NOP58: variants seen among roughly 807,000 people sequenced by gnomAD.
NOP58 encodes the protein NOP58 ribonucleoprotein, also known as nucleolar protein 58.
In NOP58, 44 loss-of-function variants were observed where a neutral mutation model predicts 71.2. The ratio of observed to expected loss-of-function variants is 0.62; its 90% CI spans 0.49 to 0.79. NOP58 has a LOEUF of 0.79. NOP58 is among the 30% of genes least tolerant of loss of function. The pLI, the probability that NOP58 is intolerant of heterozygous loss-of-function variation, is 0.00. For missense variants in NOP58, 538 were observed against 620.2 expected (o/e 0.87, Z 1.41); for synonymous variants, 228 against 200.3 (o/e 1.14, Z -1.17).
rs761580472 is a variant in NOP58 at position 202,303,463 on chromosome 2, C to T, written c.*27C>T. On this transcript the variant is annotated 3_prime_UTR_variant, in exon 15 of 15. Transcript: ENST00000264279. Reference sequence around the variant, plus strand: ...AGAAAGGAATTACGATTATATCACCCGGACACACATCATGCTTAAGATTCA... The same window carrying T: ...AGAAAGGAATTACGATTATATCACCTGGACACACATCATGCTTAAGATTCA... The T allele has an allele frequency of 4.4e-6, 7 of 1,595,850 alleles. No homozygotes were observed. Among genetic ancestry groups the T allele is most frequent in the African/African-American group, 2.7e-5 (2 of 74,512 alleles).
rs928122369 is a variant in NOP58, at chr2:202,291,248, A to G, written c.758A>G (p.Asn253Ser). 7.5e-6 allele frequency: 12 copies of G among 1,609,240 alleles called. No homozygotes were observed. The highest frequency in any genetic ancestry group is 2.2e-5 in the East Asian group (1 of 44,734). Residue 253 changes from asparagine to serine, a missense_variant, in exon 8 of 15, where the codon AAT becomes AGT. By Grantham distance (46) the Asn-to-Ser change is conservative. Transcript: ENST00000264279. ...GAGGTTTCAGAAGAAGATATTTGCAATATTCTGCATCTTTGCACCCAGGTA... is the reference window on the plus strand; with the variant it reads ...GAGGTTTCAGAAGAAGATATTTGCAGTATTCTGCATCTTTGCACCCAGGTA... ...GTEVSEEDIC[N>S]ILHLCTQVIE...
intron 1 of NOP58, 86 bp downstream of exon 1, chr2:202,266,072 G>C (rs1559257369): frequency 6.8e-7 from 1 of 1,477,978 alleles, no homozygotes; most frequent in African/African-American, 1.4e-5. Flanking sequence ...GAACTACTCA[G>C]AGTAGCGTGG....
intron 13 of NOP58, among the ~76,000 whole-genome samples, chr2:202,301,641 T>C (rs12464254): frequency 0.099 from 14,999 of 152,170 alleles, 955 homozygotes; most frequent in South Asian, 0.24. Flanking sequence ...AAATCTAAAT[T>C]TGTTCCAGCC....
Position 202,291,218 on chromosome 2 carries a change from G to C in NOP58, c.728G>C (p.Gly243Ala), listed in dbSNP as rs1688883434. 9 of 1,611,472 alleles carry C rather than the reference G, an allele frequency of 5.6e-6. No homozygotes were observed. Among genetic ancestry groups the C allele is most frequent in the Non-Finnish European group, 7.6e-6 (9 of 1,179,384 alleles). ...EVKAAAEISM[G>A]TEVSEEDICN... Reference sequence around the variant, plus strand: ...AAAGCAGCTGCAGAGATATCAATGGGAACAGAGGTTTCAGAAGAAGATATT... The same window carrying C: ...AAAGCAGCTGCAGAGATATCAATGGCAACAGAGGTTTCAGAAGAAGATATT... The change falls in exon 8 of 15, where the codon GGA becomes GCA. Residue 243 changes from glycine to alanine, a missense_variant. Physicochemically the swap from Gly to Ala is moderately conservative, Grantham distance 60. Transcript: ENST00000264279.
At chr2:202,293,099 T>G (rs373338172) in intron 9 of NOP58, 196 bp downstream of exon 9, 91 of 754,688 alleles carry the variant, frequency 1.2e-4, no homozygotes, top group Non-Finnish European at 1.8e-4. Flanking sequence ...TTTTGGATAA[T>G]GAAGGCATCT....
chr2:202,292,431 G>C (rs1688918566), intron 8 of NOP58, among the ~76,000 whole-genome samples: 1 of 151,288 alleles, frequency 6.6e-6, no homozygotes, highest in Admixed American at 6.6e-5. Context: ...GAGGTCAAGA[G>C]ATAGAGACCA....
intron 4 of NOP58, 57 bp from the exon 5 acceptor site, chr2:202,284,285 TAAC>T (rs1688753996): frequency 5.1e-6 from 7 of 1,384,636 alleles, no homozygotes; most frequent in South Asian, 2.8e-5. Flanking sequence ...AAAATAATAA[TAAC>T]AACTTCAGGA....
intron 2 of NOP58, among the ~76,000 whole-genome samples, chr2:202,276,166 C>G (rs1185922956): frequency 1.3e-5 from 2 of 151,676 alleles, no homozygotes; most frequent in Non-Finnish European, 2.9e-5. Flanking sequence ...TGGTGAAACC[C>G]CCTCTCTCCT....
chr2:202,273,378 CATTTGTCTCAAAGTTTTT>C (rs1688540953), intron 1 of NOP58, among the ~76,000 whole-genome samples: 3 of 152,166 alleles, frequency 2.0e-5, no homozygotes, highest in Non-Finnish European at 4.4e-5. Context: ...TTCTGTATTA[CATTTGTCTCAAAGTTTTT>C]ATTTGTCTCA....
rs765128288 is a variant in NOP58, at chr2:202,297,445, A to G, written c.1138A>G (p.Ser380Gly). ...TTATGATGCTTTTGGTGAGGATTCA[A>G]GTTCTGCAATGGGAGTTGAGAACAG... The part of the protein sequence containing the change: ...IRYDAFGEDS[S>G]SAMGVENRAK... Residue 380 changes from serine (S) to glycine (G), a missense_variant, in exon 11 of 15, where the codon AGT (serine) becomes GGT (glycine). Coordinates refer to ENST00000264279, the MANE Select transcript of NOP58 (RefSeq NM_015934.5). 2.5e-6 allele frequency: 4 copies of G among 1,613,954 alleles called. No individual in the cohort carries two copies. Among genetic ancestry groups the G allele is most frequent in the African/African-American group, 2.7e-5 (2 of 74,938 alleles).
At chr2:202,295,642 G>C (rs762514406) in intron 9 of NOP58, 32 bp from the exon 10 acceptor site, 3 of 1,506,846 alleles carry the variant, frequency 2.0e-6, no homozygotes, top group Non-Finnish European at 2.7e-6. Flanking sequence ...TATATTTGGA[G>C]GTGCATTCTT....
chr2:202,296,540 C>G (rs1688995864), intron 10 of NOP58, among the ~76,000 whole-genome samples: 1 of 152,074 alleles, frequency 6.6e-6, no homozygotes, highest in African/African-American at 2.4e-5. Flanking sequence ...GTATCTCTAT[C>G]TTGCAGATGA....
intron 12 of NOP58, 98 bp downstream of exon 12, chr2:202,298,004 G>A (rs1317511428): frequency 6.8e-6 from 5 of 731,674 alleles, no homozygotes; most frequent in Non-Finnish European, 1.1e-5. Context: ...TGTGCCCATA[G>A]TTTTTTCAAA....
chr2:202,266,028 TGGACAGACGAGGAGAG>T, intron 1 of NOP58, 42 bp downstream of exon 1: 2 of 1,607,252 alleles, frequency 1.2e-6, no homozygotes, highest in Non-Finnish European at 1.7e-6. Context: ...AGGCGGATGC[TGGACAGACGAGGAGAG>T]GGAAAGACTT....
chr2:202,303,275 A>G (rs1055273505), intron 14 of NOP58, 111 bp from the exon 15 acceptor site: 5 of 1,494,742 alleles, frequency 3.3e-6, no homozygotes, highest in African/African-American at 1.4e-5. Flanking sequence ...GGGGAGGAGT[A>G]TGATTTGCTC....
At chr2:202,279,427 TG>T (rs1688663318) in intron 3 of NOP58, among the ~76,000 whole-genome samples, 1 of 152,228 alleles carries the variant, frequency 6.6e-6, no homozygotes, top group Non-Finnish European at 1.5e-5. Flanking sequence ...ATCATCTCTA[TG>T]TTACAGATGA....
intron 1 of NOP58, among the ~76,000 whole-genome samples, chr2:202,268,611 TG>T (rs1238942432): frequency 6.6e-6 from 1 of 151,590 alleles, no homozygotes; most frequent in Non-Finnish European, 1.5e-5. Flanking sequence ...TGAAGTTTTT[TG>T]TTTTTTTGTT....
intron 2 of NOP58, chr2:202,275,824 A>G (rs1688580813): frequency 6.6e-6 from 1 of 152,224 alleles, no homozygotes; most frequent in African/African-American, 2.4e-5. Flanking sequence ...GCCCACCACC[A>G]TGCCCAGCTA....
intron 1 of NOP58, among the ~76,000 whole-genome samples, chr2:202,267,840 C>T (rs1378311684): frequency 1.3e-5 from 2 of 152,204 alleles, no homozygotes; most frequent in Non-Finnish European, 2.9e-5. Flanking sequence ...AAAGTGTCCT[C>T]CTCCATGAAA....
Sources: gnomAD v4.1 joint callset for allele counts (sites outside exome capture counted in the v4.1 genomes callset) on GRCh38, gnomAD v4.1.1 for gene constraint, MANE v1.5 for transcripts, NCBI Gene and HGNC (gene_info 2026-07-23, HGNC 2026-07-21) for gene names.